Variants in COL18A1 observed in about 807,000 individuals in gnomAD.
COL18A1 encodes collagen type XVIII alpha 1 chain.
Under a neutral mutation model 168.0 loss-of-function variants are expected in COL18A1, and 133 were observed. That is an observed-to-expected ratio of 0.79 (90% CI 0.69 to 0.91). The LOEUF is 0.91. Ranked by LOEUF, COL18A1 falls within the 40% of genes least tolerant of loss-of-function variation. COL18A1 has a pLI of 0.00. For synonymous variants in COL18A1, 949 were observed against 809.0 expected, an observed-to-expected ratio of 1.17 and a Z score of -2.94; for missense variants, 2,126 against 1,925.4, an observed-to-expected ratio of 1.10 and a Z score of -1.95.
intron 2 of COL18A1, chr21:45,456,944 G>T: frequency 7.8e-7 from 1 of 1,282,062 alleles, no homozygotes; most frequent in Non-Finnish European, 1.0e-6. Context: ...AGTGTGGGCG[G>T]GGCTGACGTG....
chr21:45,415,084 TG>T (rs2123517961), intron 2 of COL18A1, among the ~76,000 whole-genome samples: 1 of 152,256 alleles, frequency 6.6e-6, no homozygotes, highest in East Asian at 1.9e-4. Flanking sequence ...ATGCCTGTGT[TG>T]CTTTAAGACA....
chr21:45,492,703 C>T lies in COL18A1; in HGVS notation c.2204C>T (p.Ala735Val), dbSNP rs1273549042. The T allele has an allele frequency of 6.2e-7, 1 of 1,609,414 alleles. No homozygotes were observed. Among genetic ancestry groups the T allele is most frequent in the Admixed American group, 1.7e-5 (1 of 60,000 alleles). Residue 735 changes from alanine (A) to valine (V), a missense_variant, in exon 24 of 42, where the codon GCA becomes GTA. Transcript: ENST00000651438. ...TTTCCCCAGGGCCGGCCGGGTTTCG[C>T]AGGCTTTCCCGTGAGTAACCTGGTG... ...VPGPEGRPGFAGFPGPAGPKG... is the reference protein window; with the variant it reads ...VPGPEGRPGFVGFPGPAGPKG...
chr21:45,439,479 G>A (rs1403838064), intron 2 of COL18A1, among the ~76,000 whole-genome samples: 1 of 152,250 alleles, frequency 6.6e-6, no homozygotes, highest in African/African-American at 2.4e-5. Flanking sequence ...AAAAACGTCC[G>A]ACGAAACCAA....
At chr21:45,494,198 G>C in intron 26 of COL18A1, 1 of 490,812 alleles carries the variant, frequency 2.0e-6, no homozygotes. Flanking sequence ...ACCCAGCTGT[G>C]CATTGGAGCT....
In COL18A1 at chr21:45,476,011, G is replaced by C. The variant is rs60223592; in HGVS notation, c.799-340G>C. Among the ~76,000 whole-genome samples the C allele has an allele frequency of 4.4e-3, 666 of 152,316 alleles. 9 individuals carry two copies. The highest frequency in any genetic ancestry group is 0.015 in the African/African-American group (643 of 41,564). ...GGCCCCAGCCGCGGGACTGAGGCGCGGTGCTGTCCGTGAGAGACGGGTGCG... is the reference window on the plus strand; with the variant it reads ...GGCCCCAGCCGCGGGACTGAGGCGCCGTGCTGTCCGTGAGAGACGGGTGCG... On this transcript the variant is annotated intron_variant, in intron 5 of 41. Transcript: ENST00000651438.
At chr21:45,486,201 T>C (rs2036103678) in intron 15 of COL18A1, among the ~76,000 whole-genome samples, 1 of 152,164 alleles carries the variant, frequency 6.6e-6, no homozygotes, top group Admixed American at 6.5e-5. Flanking sequence ...GTGTCTACCC[T>C]AGCCCCAGTG....
At chr21:45,452,873 TGTGA>T (rs1569296694) in intron 2 of COL18A1, among the ~76,000 whole-genome samples, 177 of 152,020 alleles carry the variant, frequency 1.2e-3, no homozygotes, top group Middle Eastern at 6.8e-3. Flanking sequence ...TGTGTATGCA[TGTGA>T]GTATTCACAT....
Position 45,425,585 on chromosome 21 carries a change from G to T in COL18A1, c.106+20112G>T, listed in dbSNP as rs1209128807. 2.6e-5 allele frequency among the ~76,000 whole-genome samples: 4 copies of T among 152,102 alleles called. No individual in the cohort carries two copies. Among genetic ancestry groups the T allele is most frequent in the African/African-American group, 9.7e-5 (4 of 41,410 alleles). ...GGGCTGCCCTGTGAGGTGTGGAGCTGGGCTGCAGACTTGCACAAGGTGGGG... is the reference window on the plus strand; with the variant it reads ...GGGCTGCCCTGTGAGGTGTGGAGCTTGGCTGCAGACTTGCACAAGGTGGGG... On this transcript the variant is annotated intron_variant, in intron 2 of 41. Transcript: ENST00000651438. The surrounding 1 kb of genome is among the most constrained non-coding windows in gnomAD (Gnocchi z 4.1).
intron 2 of COL18A1, among the ~76,000 whole-genome samples, chr21:45,437,524 TCAGACACACAGGCACTCTCCTGCACACA>T (rs2034182058): frequency 3.1e-4 from 2 of 6,450 alleles, no homozygotes; most frequent in Non-Finnish European, 5.5e-4. Flanking sequence ...ACACACACAC[TCAGACACACAGGCACTCTCCTGCACACA>T]CACACACACA....
At position 45,468,335 on chromosome 21, in the gene COL18A1, C is replaced by A. The variant is rs777039300; in HGVS notation, c.200C>A (p.Ala67Asp). The part of the protein sequence containing the change: ...TQTDDPDVGL[A>D]YVFGPDANSG... ...ACGGATGACCCCGACGTCGGGCTGG[C>A]CTACGTCTTTGGGCCAGATGCCAAC... is the stretch of plus-strand genomic sequence containing the variant. Residue 67 changes from alanine to aspartate, a missense_variant, in exon 3 of 42, where the codon GCC becomes GAC. Physicochemically the swap from Ala to Asp is moderately radical, Grantham distance 126 (BLOSUM62 -2). Coordinates refer to ENST00000651438, the MANE Select transcript of COL18A1 (RefSeq NM_001379500.1). 1 of 1,613,588 alleles carries A rather than the reference C, an allele frequency of 6.2e-7. No homozygotes were observed. The highest frequency in any genetic ancestry group is 1.1e-5 in the South Asian group (1 of 91,092).
chr21:45,418,917 C>A (rs2033536722), intron 2 of COL18A1, among the ~76,000 whole-genome samples: 1 of 152,230 alleles, frequency 6.6e-6, no homozygotes, highest in South Asian at 2.1e-4. Context: ...GGCTTGCAGG[C>A]AGGGAGATGG....
chr21:45,505,723 C>A, intron 36 of COL18A1, 115 bp from the exon 37 acceptor site: 2 of 881,124 alleles, frequency 2.3e-6, no homozygotes, highest in East Asian at 2.6e-5. Flanking sequence ...TCAGTCCACA[C>A]CTGTCCAAAG....
At chr21:45,485,065 C>G (rs574118631) in intron 15 of COL18A1, among the ~76,000 whole-genome samples, 20 of 151,260 alleles carry the variant, frequency 1.3e-4, no homozygotes, top group African/African-American at 4.6e-4. Context: ...TCACTGCAAT[C>G]TCTGCCTCCC....
At chr21:45,435,446 A>G (rs1366780789) in intron 2 of COL18A1, among the ~76,000 whole-genome samples, 4 of 152,028 alleles carry the variant, frequency 2.6e-5, no homozygotes, top group Non-Finnish European at 4.4e-5. Flanking sequence ...CAGCTGGGCC[A>G]TGGAGTCCTG....
chr21:45,482,650 C>T (rs1349087333), intron 14 of COL18A1, 145 bp from the exon 15 acceptor site: 3 of 1,230,530 alleles, frequency 2.4e-6, no homozygotes, highest in Non-Finnish European at 3.5e-6. Context: ...ATGACAGCGG[C>T]AACAGCCTCA....
At chr21:45,503,340 CAT>C (rs1031831075) in intron 32 of COL18A1, among the ~76,000 whole-genome samples, 3 of 151,942 alleles carry the variant, frequency 2.0e-5, no homozygotes, top group African/African-American at 4.8e-5. Context: ...AGCATTTTTT[CAT>C]GTGTTTTTTG....
chr21:45,453,433 G>A (rs1487060688), intron 2 of COL18A1, among the ~76,000 whole-genome samples: 1 of 152,220 alleles, frequency 6.6e-6, no homozygotes, highest in African/African-American at 2.4e-5. Flanking sequence ...GCGTACACAT[G>A]CGTGCGTTTG....
chr21:45,459,499 G>A (rs1278643194), intron 2 of COL18A1, among the ~76,000 whole-genome samples: 3 of 152,188 alleles, frequency 2.0e-5, no homozygotes, highest in East Asian at 1.9e-4. Context: ...CATCTCCAGC[G>A]CCCCCTCCAC....
At position 45,498,237 on chromosome 21, in the gene COL18A1, G is replaced by T; in HGVS notation, c.2683+576G>T. 1 of 703,936 alleles carries T rather than the reference G, an allele frequency of 1.4e-6. No homozygotes were observed. Among genetic ancestry groups the T allele is most frequent in the Non-Finnish European group, 2.6e-6 (1 of 384,596 alleles). 43.6% of individuals were successfully genotyped at this position (703,936 alleles called of 1,614,324 possible). A position where few individuals can be genotyped will look rare whatever the true frequency, so the allele number is the denominator to read the frequency against. On this transcript the variant is annotated intron_variant, in intron 32 of 41. Transcript: ENST00000651438. The surrounding 1 kb of genome is among the most constrained non-coding windows in gnomAD (Gnocchi z 4.5). Reference sequence around the variant, plus strand: ...AAACCACTGTTTGAGGATGTCTGGGGGCTGGCAGAGCAGAAGCCCAGAGAG... The same window carrying T: ...AAACCACTGTTTGAGGATGTCTGGGTGCTGGCAGAGCAGAAGCCCAGAGAG...
Sources: gnomAD v4.1 joint callset for allele counts (sites outside exome capture counted in the v4.1 genomes callset) on GRCh38, gnomAD v4.1.1 for gene constraint, Gnocchi (gnomAD v3.1) non-coding constraint, MANE v1.5 for transcripts, NCBI Gene and HGNC (gene_info 2026-07-23, HGNC 2026-07-21) for gene names.